The following NALF1 variants were observed in gnomAD, a reference collection of about 807,000 sequenced individuals.
The protein encoded by NALF1 is family with sequence similarity 155 member A.
NALF1 carries 3 observed loss-of-function variants against 48.4 expected under a neutral mutation model. The observed-to-expected ratio is 0.06, with a 90% CI of 0.03 to 0.16. NALF1 has a LOEUF of 0.16. Among genes scored for constraint, NALF1 ranks in the 10% least tolerant of loss-of-function variants. NALF1 has a pLI of 1.00. For missense variants in NALF1, 526 were observed against 571.5 expected, an observed-to-expected ratio of 0.92 and a Z score of 0.81; for synonymous variants, 262 against 245.7, an observed-to-expected ratio of 1.07 and a Z score of -0.62.
intron 1 of NALF1, among the ~76,000 whole-genome samples, chr13:107,456,931 G>C (rs1369308800): frequency 6.6e-6 from 1 of 152,030 alleles, no homozygotes; most frequent in Non-Finnish European, 1.5e-5. Context: ...AAATTACCTT[G>C]TTTTTATTTA....
intron 1 of NALF1, among the ~76,000 whole-genome samples, chr13:107,252,352 G>A (rs1880719859): frequency 6.6e-6 from 1 of 152,044 alleles, no homozygotes; most frequent in Non-Finnish European, 1.5e-5. Context: ...ACAGGTGGTG[G>A]GAAACAGGAG....
chr13:107,289,651 T>C (rs1172064875), intron 1 of NALF1, among the ~76,000 whole-genome samples: 4 of 152,158 alleles, frequency 2.6e-5, no homozygotes, highest in Non-Finnish European at 5.9e-5. Flanking sequence ...TGCTGATCTT[T>C]TCAGGGAGTA....
At chr13:107,368,792 C>T (rs1217362238) in intron 1 of NALF1, among the ~76,000 whole-genome samples, 1 of 152,198 alleles carries the variant, frequency 6.6e-6, no homozygotes, top group Admixed American at 6.5e-5. Context: ...GCAACGCTAA[C>T]AGGTTCTTGG....
chr13:107,317,316 T>A (rs1366009857), intron 1 of NALF1, among the ~76,000 whole-genome samples: 1 of 152,106 alleles, frequency 6.6e-6, no homozygotes, highest in Non-Finnish European at 1.5e-5. Context: ...TTTAATAAAC[T>A]ATCATTAAAG....
chr13:107,418,669 C>G (rs1884134716), intron 1 of NALF1, among the ~76,000 whole-genome samples: 1 of 151,906 alleles, frequency 6.6e-6, no homozygotes, highest in Non-Finnish European at 1.5e-5. Flanking sequence ...GGAATAGTAC[C>G]TGCTAGGAAG....
At position 107,486,036 on chromosome 13, in the gene NALF1, T is replaced by C. The variant is rs549350535; in HGVS notation, c.916-275281A>G. 5.3e-5 allele frequency among the ~76,000 whole-genome samples: 8 copies of C among 152,364 alleles called. No homozygotes were observed. The South Asian group carries it at 1.7e-3, about 32-fold the overall frequency. ...CATATTTTTCCATACATTTGTGAAA[T>C]TGTTTTATGTATATCTTCCTCCACC... On this transcript the variant is annotated intron_variant, in intron 1 of 2. Transcript: ENST00000375915.
At chr13:107,532,005 C>T (rs1253519053) in intron 1 of NALF1, among the ~76,000 whole-genome samples, 2 of 152,012 alleles carry the variant, frequency 1.3e-5, no homozygotes, top group East Asian at 3.9e-4. Context: ...GCATACTTAC[C>T]TAACTTGAAA....
At chr13:107,612,973 G>C (rs377680870) in intron 1 of NALF1, among the ~76,000 whole-genome samples, 4 of 150,638 alleles carry the variant, frequency 2.7e-5, no homozygotes, top group African/African-American at 9.8e-5. Context: ...CAAATTTATG[G>C]GTTTTTTTGG....
chr13:107,614,161 G>T (rs1879314901), intron 1 of NALF1, among the ~76,000 whole-genome samples: 1 of 152,130 alleles, frequency 6.6e-6, no homozygotes, highest in South Asian at 2.1e-4. Flanking sequence ...TTTTGTCAGA[G>T]AAAATACCAA....
At chr13:107,847,796 T>A (rs1294128556) in intron 1 of NALF1, among the ~76,000 whole-genome samples, 1 of 152,182 alleles carries the variant, frequency 6.6e-6, no homozygotes, top group African/African-American at 2.4e-5. Flanking sequence ...ACAGCTAAGC[T>A]GCGTCCACAT....
chr13:107,515,238 T>C (rs1233747496), intron 1 of NALF1, among the ~76,000 whole-genome samples: 7 of 152,154 alleles, frequency 4.6e-5, no homozygotes, highest in Admixed American at 3.3e-4. Context: ...TCCTGAATGA[T>C]GACAGTGATG....
intron 1 of NALF1, among the ~76,000 whole-genome samples, chr13:107,546,282 C>A (rs1187789059): frequency 6.6e-6 from 1 of 152,152 alleles, no homozygotes; most frequent in Non-Finnish European, 1.5e-5. Flanking sequence ...TAACACACAC[C>A]TACTGCATTT....
chr13:107,260,544 C>T (rs1319698007), intron 1 of NALF1, among the ~76,000 whole-genome samples: 2 of 152,218 alleles, frequency 1.3e-5, no homozygotes, highest in East Asian at 1.9e-4. Flanking sequence ...ATCCCCCACT[C>T]TGATTTTCCA....
intron 1 of NALF1, among the ~76,000 whole-genome samples, chr13:107,831,258 T>C (rs1347430712): frequency 6.6e-6 from 1 of 152,226 alleles, no homozygotes; most frequent in East Asian, 1.9e-4. Context: ...CTGGATTACA[T>C]TGACTATTGC....
chr13:107,257,674 G>A (rs919331215), intron 1 of NALF1, among the ~76,000 whole-genome samples: 1 of 152,154 alleles, frequency 6.6e-6, no homozygotes, highest in African/African-American at 2.4e-5. Context: ...TGGAGGCCCT[G>A]AGGTGGCCAG....
chr13:107,357,674 T>A (rs1323325313), intron 1 of NALF1, among the ~76,000 whole-genome samples: 1 of 152,096 alleles, frequency 6.6e-6, no homozygotes, highest in Admixed American at 6.5e-5. Context: ...AAGAGAAGGA[T>A]CCCTTTTCTT....
intron 1 of NALF1, among the ~76,000 whole-genome samples, chr13:107,661,889 A>G (rs1442425955): frequency 6.6e-6 from 1 of 152,170 alleles, no homozygotes; most frequent in Non-Finnish European, 1.5e-5. Flanking sequence ...TAATAAATAA[A>G]TCTACATAAA....
intron 1 of NALF1, among the ~76,000 whole-genome samples, chr13:107,382,166 T>C (rs936063373): frequency 3.9e-5 from 6 of 152,224 alleles, no homozygotes; most frequent in African/African-American, 1.4e-4. Flanking sequence ...TTTATAACAT[T>C]TGCTGCACAC....
At chr13:107,733,148 T>TAA (rs66878093) in intron 1 of NALF1, among the ~76,000 whole-genome samples, 22 of 151,824 alleles carry the variant, frequency 1.4e-4, no homozygotes, top group African/African-American at 1.2e-4. Context: ...TCTAGTAGGA[T>TAA]AAAAAAAAGT....
Sources: gnomAD v4.1 joint callset for allele counts (sites outside exome capture counted in the v4.1 genomes callset) on GRCh38, gnomAD v4.1.1 for gene constraint, MANE v1.5 for transcripts, NCBI Gene and HGNC (gene_info 2026-07-23, HGNC 2026-07-21) for gene names.